Variants in DZANK1 observed in about 807,000 individuals in gnomAD.
DZANK1 encodes double zinc ribbon and ankyrin repeat domains 1.
A neutral mutation model predicts 94.5 loss-of-function variants in DZANK1; 91 were observed. The ratio of observed to expected loss-of-function variants is 0.96; its 90% CI spans 0.81 to 1.15. The LOEUF is 1.15. Ranked by LOEUF, DZANK1 falls within the 50% of genes most tolerant of loss-of-function variation. The pLI, the probability that DZANK1 is intolerant of heterozygous loss-of-function variation, is 0.00. For missense variants in DZANK1, 903 were observed against 916.4 expected (o/e 0.99, Z 0.19); for synonymous variants, 312 against 325.3 (o/e 0.96, Z 0.44).
chr20:18,452,792 C>G (rs1601139499), intron 5 of DZANK1, 53 bp from the exon 6 acceptor site: 1 of 1,493,416 alleles, frequency 6.7e-7, no homozygotes, highest in Non-Finnish European at 9.0e-7. Context: ...TATACATAAT[C>G]ATACAAAGAT....
At chr20:18,453,809 C>A (rs748250465) in exon 5 of DZANK1, 10 of 1,605,698 alleles carry the variant, frequency 6.2e-6, no homozygotes, top group Admixed American at 3.3e-5. Flanking sequence ...TTTGATCCAA[C>A]AAATCCATTT....
At chr20:18,424,081 A>C (rs2057917529) in intron 10 of DZANK1, among the ~76,000 whole-genome samples, 1 of 152,224 alleles carries the variant, frequency 6.6e-6, no homozygotes, top group Non-Finnish European at 1.5e-5. Context: ...ACATATTACA[A>C]ATATCAGGCA....
chr20:18,431,727 C>T (rs6105920), intron 9 of DZANK1, among the ~76,000 whole-genome samples: 1 of 152,186 alleles, frequency 6.6e-6, no homozygotes, highest in Non-Finnish European at 1.5e-5. Flanking sequence ...CACTTTCAAC[C>T]TTCAGGGCCC....
chr20:18,419,395 G>A (rs371835549), intron 10 of DZANK1, among the ~76,000 whole-genome samples: 3 of 151,986 alleles, frequency 2.0e-5, no homozygotes, highest in South Asian at 2.1e-4. Flanking sequence ...AATCATGGCC[G>A]AACAATTCCT....
At chr20:18,404,929 T>C (rs1191156732) in intron 13 of DZANK1, among the ~76,000 whole-genome samples, 1 of 113,024 alleles carries the variant, frequency 8.8e-6, no homozygotes, top group African/African-American at 3.4e-5. Flanking sequence ...AAAAAAAAAA[T>C]AGAAGAAATT....
intron 2 of DZANK1, among the ~76,000 whole-genome samples, chr20:18,460,587 G>A (rs1341075390): frequency 2.0e-5 from 3 of 152,114 alleles, no homozygotes; most frequent in Non-Finnish European, 4.4e-5. Flanking sequence ...AAATTAGCCG[G>A]GCGTGGTGGC....
chr20:18,454,831 T>C (rs1000047870), intron 4 of DZANK1, among the ~76,000 whole-genome samples: 2 of 152,180 alleles, frequency 1.3e-5, no homozygotes, highest in African/African-American at 4.8e-5. Flanking sequence ...AAGCAGTTTA[T>C]AAAAGAAGGC....
At chr20:18,399,824 G>C (rs1410557017) in intron 13 of DZANK1, among the ~76,000 whole-genome samples, 2 of 152,168 alleles carry the variant, frequency 1.3e-5, no homozygotes, top group Non-Finnish European at 2.9e-5. Context: ...CAGGGCACAG[G>C]CTCTCCAGCC....
intron 8 of DZANK1, among the ~76,000 whole-genome samples, chr20:18,437,142 A>G (rs975425135): frequency 1.4e-4 from 21 of 152,234 alleles, no homozygotes; most frequent in African/African-American, 4.6e-4. Context: ...ATGACTCCAT[A>G]GAACTTTTAT....
At chr20:18,399,207 A>G (rs930378860) in intron 13 of DZANK1, among the ~76,000 whole-genome samples, 1 of 151,492 alleles carries the variant, frequency 6.6e-6, no homozygotes, top group Non-Finnish European at 1.5e-5. Context: ...ATTCTATCCC[A>G]CCTACAATAA....
At chr20:18,396,049 A>T (rs532057031) in intron 15 of DZANK1, among the ~76,000 whole-genome samples, 15 of 152,360 alleles carry the variant, frequency 9.8e-5, no homozygotes, top group African/African-American at 3.6e-4. Flanking sequence ...CAATCAATTA[A>T]TGTTTGAAAC....
At chr20:18,429,083 C>A (rs2058179153) in intron 9 of DZANK1, among the ~76,000 whole-genome samples, 1 of 152,234 alleles carries the variant, frequency 6.6e-6, no homozygotes, top group African/African-American at 2.4e-5. Flanking sequence ...CAGCATTTAT[C>A]TATGAGATTT....
chr20:18,390,580 G>A, intron 17 of DZANK1, 121 bp from the exon 18 acceptor site: 1 of 799,358 alleles, frequency 1.3e-6, no homozygotes, highest in Non-Finnish European at 2.1e-6. Context: ...GTGTGCATGT[G>A]TGAGTGTGTG....
At chr20:18,384,859 T>G (rs1568857221) in intron 20 of DZANK1, among the ~76,000 whole-genome samples, 157 bp downstream of exon 20, 1 of 152,162 alleles carries the variant, frequency 6.6e-6, no homozygotes, top group Non-Finnish European at 1.5e-5. Flanking sequence ...CATTGCGCTT[T>G]GAAAAGCCCT....
Position 18,441,961 on chromosome 20 carries a change from G to C in DZANK1, c.747+1386C>G, listed in dbSNP as rs909409483. On this transcript the variant is annotated intron_variant, in intron 8 of 20. Coordinates refer to ENST00000262547, the Ensembl canonical transcript of DZANK1. The surrounding 1 kb of genome is among the most constrained non-coding windows in gnomAD (Gnocchi z 4.1). ...TTAGCTCACATGGCAAGAGCAAAGAGACAGGAGAGCACACACCTCTGCATC... is the reference window on the plus strand; with the variant it reads ...TTAGCTCACATGGCAAGAGCAAAGACACAGGAGAGCACACACCTCTGCATC... Among the ~76,000 whole-genome samples, 32 of 152,172 alleles carry C rather than the reference G, an allele frequency of 2.1e-4. No individual in the cohort carries two copies. Among genetic ancestry groups the C allele is most frequent in the African/African-American group, 7.2e-4 (30 of 41,436 alleles).
intron 17 of DZANK1, among the ~76,000 whole-genome samples, chr20:18,391,683 G>A (rs1337506170): frequency 6.6e-6 from 1 of 152,184 alleles, no homozygotes; most frequent in Non-Finnish European, 1.5e-5. Flanking sequence ...GCATGGCTGT[G>A]GGGTGGTCAC....
At chr20:18,384,064 CT>C (rs1289237955) in exon 21 of DZANK1, 1,842 of 167,094 alleles carry the variant, frequency 0.011, no homozygotes, top group South Asian at 0.02. Context: ...TGCACATATT[CT>C]TTTTTTTTTT....
At chr20:18,400,431 C>T in intron 13 of DZANK1, among the ~76,000 whole-genome samples, 1 of 152,178 alleles carries the variant, frequency 6.6e-6, no homozygotes, top group East Asian at 1.9e-4. Context: ...TGAGGGCAGC[C>T]CAAGTAGTGT....
chr20:18,398,655 G>C (rs2056498410), intron 13 of DZANK1, 29 bp from the exon 14 acceptor site: 1 of 1,590,340 alleles, frequency 6.3e-7, no homozygotes, highest in Non-Finnish European at 8.6e-7. Flanking sequence ...CCCGCCATCT[G>C]GATGATTCTC....
Sources: gnomAD v4.1 joint callset for allele counts (sites outside exome capture counted in the v4.1 genomes callset) on GRCh38, gnomAD v4.1.1 for gene constraint, Gnocchi (gnomAD v3.1) non-coding constraint, MANE v1.5 for transcripts, NCBI Gene and HGNC (gene_info 2026-07-23, HGNC 2026-07-21) for gene names.